DHRSX: variants seen among roughly 807,000 people sequenced by gnomAD.
DHRSX encodes the protein polyprenol dehydrogenase.
A neutral mutation model predicts 34.0 loss-of-function variants in DHRSX; 31 were observed. That is an observed-to-expected ratio of 0.91 (90% CI 0.69 to 1.23). DHRSX has a LOEUF of 1.23. Among genes scored for constraint, DHRSX ranks in the 50% most tolerant of loss-of-function variants. DHRSX has a pLI of 0.00. For synonymous variants in DHRSX, 201 were observed against 183.8 expected (o/e 1.09, Z -0.76); for missense variants, 414 against 428.1 (o/e 0.97, Z 0.29).
intron 3 of DHRSX, among the ~76,000 whole-genome samples, chrX:2,403,670 C>G (rs1345373785): frequency 2.0e-5 from 3 of 152,008 alleles, no homozygotes; most frequent in Admixed American, 2.0e-4. Context: ...GCCTGGCTAA[C>G]ACGGTGAAAC....
At chrX:2,413,052 G>A (rs1214284603) in intron 2 of DHRSX, among the ~76,000 whole-genome samples, 8 of 152,012 alleles carry the variant, frequency 5.3e-5, no homozygotes, top group East Asian at 1.9e-4. Flanking sequence ...AAAATTAGCC[G>A]GGTACGGTGG....
In DHRSX at chrX:2,317,503, C is replaced by T. The variant is rs1423043600; in HGVS notation, c.287-25900G>A. Among the ~76,000 whole-genome samples, 6 of 151,784 alleles carry T rather than the reference C, an allele frequency of 4.0e-5. No individual in the cohort carries two copies. The South Asian group carries it at 8.3e-4, about 21-fold the overall frequency. ...CTGACCTCAGGTGATCCACCTGCCT[C>T]GGCCTCCCAAAGTGCTGGGATTACA... On this transcript the variant is annotated intron_variant, in intron 3 of 6. Coordinates refer to ENST00000334651, the MANE Select transcript of DHRSX (RefSeq NM_145177.3).
intron 6 of DHRSX, among the ~76,000 whole-genome samples, chrX:2,231,588 C>CTTT (rs1211982477): frequency 3.7e-4 from 35 of 93,334 alleles, no homozygotes; most frequent in Admixed American, 1.2e-3. Flanking sequence ...CCATCGTATC[C>CTTT]TCCTTTTTCT....
At chrX:2,248,623 A>G (rs940144950) in intron 5 of DHRSX, among the ~76,000 whole-genome samples, 2 of 70,076 alleles carry the variant, frequency 2.9e-5, no homozygotes, top group African/African-American at 7.0e-5. Flanking sequence ...CAAAAAAAAA[A>G]AAAGAAAAAG....
chrX:2,228,944 C>T (rs1195267550), intron 6 of DHRSX, among the ~76,000 whole-genome samples: 1 of 152,142 alleles, frequency 6.6e-6, no homozygotes, highest in Non-Finnish European at 1.5e-5. Flanking sequence ...AACTACCTAA[C>T]GCTCCACTGC....
intron 1 of DHRSX, among the ~76,000 whole-genome samples, chrX:2,464,104 G>A (rs1293184645): frequency 4.6e-5 from 7 of 152,030 alleles, no homozygotes; most frequent in Non-Finnish European, 8.8e-5. Context: ...TGTTCCCTAA[G>A]TACGTGGCTA....
intron 3 of DHRSX, among the ~76,000 whole-genome samples, chrX:2,356,997 A>C (rs910668224): frequency 3.9e-5 from 6 of 152,164 alleles, no homozygotes; most frequent in African/African-American, 1.4e-4. Flanking sequence ...TAATCCCAGC[A>C]CTTTGGGAGG....
chrX:2,296,350 G>A (rs2041931350), intron 3 of DHRSX, among the ~76,000 whole-genome samples: 1 of 152,146 alleles, frequency 6.6e-6, no homozygotes, highest in Non-Finnish European at 1.5e-5. Context: ...GGGAGGGGAG[G>A]GAAGGAGAGG....
chrX:2,381,166 C>T (rs1389507994), intron 3 of DHRSX, among the ~76,000 whole-genome samples: 1 of 152,122 alleles, frequency 6.6e-6, no homozygotes, highest in Non-Finnish European at 1.5e-5. Flanking sequence ...ACACCCGGCC[C>T]CAGATCCCTG....
At chrX:2,473,149 G>T (rs2044619722) in intron 1 of DHRSX, among the ~76,000 whole-genome samples, 1 of 152,174 alleles carries the variant, frequency 6.6e-6, no homozygotes, top group African/African-American at 2.4e-5. Flanking sequence ...CTCGCCACAG[G>T]GGTGACCCCA....
chrX:2,399,419 A>C (rs995499082), intron 3 of DHRSX, among the ~76,000 whole-genome samples: 32 of 151,750 alleles, frequency 2.1e-4, no homozygotes, highest in Non-Finnish European at 3.5e-4. Flanking sequence ...AAAAAAAAAA[A>C]ACACAGGCCA....
chrX:2,308,535 A>C (rs1396898789), intron 3 of DHRSX, among the ~76,000 whole-genome samples: 1 of 152,180 alleles, frequency 6.6e-6, no homozygotes, highest in Non-Finnish European at 1.5e-5. Flanking sequence ...AACAAGGAGG[A>C]TCATCGCCTA....
chrX:2,283,407 C>G (rs1442309650), intron 4 of DHRSX, among the ~76,000 whole-genome samples: 1 of 152,090 alleles, frequency 6.6e-6, no homozygotes, highest in Non-Finnish European at 1.5e-5. Flanking sequence ...AGAAGGCACG[C>G]AGAATAAATG....
At chrX:2,378,316 G>C (rs1448111401) in intron 3 of DHRSX, among the ~76,000 whole-genome samples, 2 of 152,166 alleles carry the variant, frequency 1.3e-5, no homozygotes, top group Admixed American at 1.3e-4. Flanking sequence ...TGTCGCAGCA[G>C]CTCCAGGAAA....
intron 1 of DHRSX, among the ~76,000 whole-genome samples, chrX:2,474,024 G>A (rs1217083759): frequency 6.6e-6 from 1 of 151,844 alleles, no homozygotes; most frequent in Non-Finnish European, 1.5e-5. Flanking sequence ...GGAGCAGGCT[G>A]GCTGCGTCTC....
At chrX:2,480,757 G>T (rs2044756498) in intron 1 of DHRSX, among the ~76,000 whole-genome samples, 1 of 152,072 alleles carries the variant, frequency 6.6e-6, no homozygotes, top group African/African-American at 2.4e-5. Context: ...GTTGGAGGCT[G>T]CCATGAGCTA....
intron 3 of DHRSX, among the ~76,000 whole-genome samples, chrX:2,399,244 G>A (rs900111064): frequency 2.0e-5 from 3 of 151,980 alleles, no homozygotes; most frequent in Admixed American, 6.6e-5. Flanking sequence ...GAACACATAC[G>A]GTGACCTCAA....
chrX:2,283,960 G>C (rs1275031495), intron 4 of DHRSX, among the ~76,000 whole-genome samples: 1 of 145,800 alleles, frequency 6.9e-6, no homozygotes, highest in East Asian at 2.3e-4. Flanking sequence ...TCATTCCTTT[G>C]AATTCACTCA....
intron 5 of DHRSX, among the ~76,000 whole-genome samples, chrX:2,255,424 AGTCTATACTG>A (rs1272585038): frequency 6.6e-6 from 1 of 152,126 alleles, no homozygotes; most frequent in Non-Finnish European, 1.5e-5. Context: ...TACACAACTT[AGTCTATACTG>A]GATGATTTCA....
Sources: allele counts gnomAD v4.1 joint callset (sites outside exome capture counted in the v4.1 genomes callset), GRCh38; gene constraint gnomAD v4.1.1; transcripts MANE v1.5; gene names NCBI Gene and HGNC (gene_info 2026-07-23, HGNC 2026-07-21).